The following RGS7 variants were observed in gnomAD, a reference collection of about 807,000 sequenced individuals.
The protein encoded by RGS7 is regulator of G-protein signaling 7.
RGS7 carries 27 observed loss-of-function variants against 81.1 expected under a neutral mutation model. The observed-to-expected ratio is 0.33, with a 90% CI of 0.25 to 0.46. The LOEUF (loss-of-function observed/expected upper bound fraction) is 0.46. RGS7 is among the 20% of genes least tolerant of loss of function. The pLI, the probability that RGS7 is intolerant of heterozygous loss-of-function variation, is 1.00. For missense variants in RGS7, 396 were observed against 607.4 expected (o/e 0.65, Z 3.66); for synonymous variants, 208 against 207.7 (o/e 1.00, Z -0.01).
chr1:241,039,788 G>A (rs1011732631), intron 3 of RGS7, among the ~76,000 whole-genome samples: 3 of 152,014 alleles, frequency 2.0e-5, no homozygotes, highest in Non-Finnish European at 4.4e-5. Context: ...AGCTGGTGAC[G>A]ATGGCAGAGC....
intron 2 of RGS7, among the ~76,000 whole-genome samples, chr1:241,333,461 A>G (rs2082079600): frequency 6.6e-6 from 1 of 152,218 alleles, no homozygotes; most frequent in East Asian, 1.9e-4. Context: ...GACAAGAACT[A>G]CTTTGTGAGT....
chr1:240,901,733 C>T (rs17378711), intron 6 of RGS7, among the ~76,000 whole-genome samples: 19,473 of 152,156 alleles, frequency 0.13, 1,364 homozygotes, highest in Middle Eastern at 0.18. Flanking sequence ...CTCCTCACTA[C>T]GTATGGTCTC....
At chr1:240,979,580 C>T (rs1011609795) in intron 4 of RGS7, among the ~76,000 whole-genome samples, 4 of 152,042 alleles carry the variant, frequency 2.6e-5, no homozygotes, top group East Asian at 1.9e-4. Flanking sequence ...TTTGACGTTT[C>T]GGGGAGAGGC....
At chr1:241,315,309 C>T (rs1227396747) in intron 2 of RGS7, among the ~76,000 whole-genome samples, 1 of 151,610 alleles carries the variant, frequency 6.6e-6, no homozygotes, top group Non-Finnish European at 1.5e-5. Context: ...TAAAGTGGAC[C>T]TCCTACACCT....
intron 2 of RGS7, among the ~76,000 whole-genome samples, chr1:241,159,179 T>C (rs191387430): frequency 8.1e-4 from 123 of 152,358 alleles, no homozygotes; most frequent in African/African-American, 2.8e-3. Flanking sequence ...CCTAAGAAGT[T>C]ACAATGCTTC....
At chr1:240,800,200 T>C (rs935935226) in intron 18 of RGS7, among the ~76,000 whole-genome samples, 1 of 152,156 alleles carries the variant, frequency 6.6e-6, no homozygotes, top group Non-Finnish European at 1.5e-5. Context: ...CATGGTGACT[T>C]ATGAGGCATG....
rs148618900 is a variant in RGS7, at chr1:241,314,019, G to A, written c.78+41680C>T. On this transcript the variant is annotated intron_variant, in intron 2 of 18. Transcript: ENST00000440928. ...AGATGAGGACTTGCTTCTTATGAAT[G>A]TGCAAAAAAAAGTGGTTTTTTGAGA... 5.8e-3 allele frequency among the ~76,000 whole-genome samples: 878 copies of A among 152,164 alleles called. 5 individuals carry two copies. The highest frequency in any genetic ancestry group is 0.02 in the African/African-American group (810 of 41,516).
intron 2 of RGS7, among the ~76,000 whole-genome samples, chr1:241,228,246 T>C (rs1375966414): frequency 6.6e-6 from 1 of 152,222 alleles, no homozygotes; most frequent in Non-Finnish European, 1.5e-5. Context: ...AACACGTGAA[T>C]GAGGAAATCA....
intron 2 of RGS7, among the ~76,000 whole-genome samples, chr1:241,218,050 T>C (rs1006809186): frequency 6.6e-6 from 1 of 152,200 alleles, no homozygotes; most frequent in East Asian, 1.9e-4. Context: ...TCTGTGTTCA[T>C]GTGTGTGCAT....
At chr1:241,280,932 G>A (rs1370354179) in intron 2 of RGS7, among the ~76,000 whole-genome samples, 3 of 152,116 alleles carry the variant, frequency 2.0e-5, no homozygotes, top group Non-Finnish European at 4.4e-5. Context: ...TGAAACACAA[G>A]GTTTTTAACT....
At chr1:241,343,855 A>G (rs2082719951) in intron 2 of RGS7, among the ~76,000 whole-genome samples, 1 of 152,216 alleles carries the variant, frequency 6.6e-6, no homozygotes, top group African/African-American at 2.4e-5. Flanking sequence ...ACATTTTATG[A>G]TATATATTTT....
At chr1:241,305,398 A>C (rs537655021) in intron 2 of RGS7, among the ~76,000 whole-genome samples, 1 of 152,162 alleles carries the variant, frequency 6.6e-6, no homozygotes. Context: ...GCTAATAAGC[A>C]TGTCAGCTTC....
chr1:241,206,230 C>CTTTT (rs35296035), intron 2 of RGS7, among the ~76,000 whole-genome samples: 6 of 135,946 alleles, frequency 4.4e-5, no homozygotes, highest in Non-Finnish European at 6.3e-5. Context: ...AAAGAATGAA[C>CTTTT]TTTTTTTTTT....
chr1:240,955,221 T>C (rs983893538), intron 4 of RGS7, among the ~76,000 whole-genome samples: 13 of 151,962 alleles, frequency 8.6e-5, no homozygotes, highest in African/African-American at 2.4e-4. Flanking sequence ...ATTTTAAAGA[T>C]ACTGAAAAAA....
intron 2 of RGS7, among the ~76,000 whole-genome samples, chr1:241,167,122 C>T (rs1383529720): frequency 1.3e-5 from 2 of 152,146 alleles, no homozygotes; most frequent in East Asian, 3.8e-4. Context: ...AAAAGCAATA[C>T]ACAGACCCGG....
At chr1:241,035,877 C>T (rs1007611552) in intron 3 of RGS7, among the ~76,000 whole-genome samples, 2 of 152,112 alleles carry the variant, frequency 1.3e-5, no homozygotes, top group African/African-American at 4.8e-5. Context: ...CTGGATATGC[C>T]CCACTTCGTT....
intron 3 of RGS7, among the ~76,000 whole-genome samples, chr1:241,035,086 T>C (rs1433583949): frequency 6.6e-6 from 1 of 152,100 alleles, no homozygotes; most frequent in Non-Finnish European, 1.5e-5. Context: ...AGAGGGGCTG[T>C]AACTCTCAGG....
At chr1:241,074,053 A>G (rs1474612897) in intron 3 of RGS7, among the ~76,000 whole-genome samples, 5 of 151,950 alleles carry the variant, frequency 3.3e-5, no homozygotes, top group Admixed American at 1.3e-4. Flanking sequence ...GGCATGTGCC[A>G]CCAGGCCTGG....
intron 2 of RGS7, among the ~76,000 whole-genome samples, chr1:241,314,529 A>T (rs2080749112): frequency 6.6e-6 from 1 of 152,188 alleles, no homozygotes; most frequent in Non-Finnish European, 1.5e-5. Context: ...AAACCAAAGA[A>T]TTTGTGTGGC....
Sources: gnomAD v4.1 joint callset for allele counts (sites outside exome capture counted in the v4.1 genomes callset) on GRCh38, gnomAD v4.1.1 for gene constraint, MANE v1.5 for transcripts, NCBI Gene and HGNC (gene_info 2026-07-23, HGNC 2026-07-21) for gene names.